RABGAP1L: variants seen among roughly 807,000 people sequenced by gnomAD.
The protein encoded by RABGAP1L is rab GTPase-activating protein 1-like.
Under a neutral mutation model 137.7 loss-of-function variants are expected in RABGAP1L, and 63 were observed. The observed-to-expected ratio is 0.46, with a 90% confidence interval of 0.37 to 0.56. The LOEUF is 0.56. RABGAP1L is among the 20% of genes least tolerant of loss of function. The pLI, the probability that RABGAP1L is intolerant of heterozygous loss-of-function variation, is 0.00. For missense variants in RABGAP1L, 1,095 were observed against 1,244.0 expected (o/e 0.88, Z 1.80); for synonymous variants, 431 against 433.7 (o/e 0.99, Z 0.08).
rs1269403775 is a variant in RABGAP1L, at chr1:174,231,199, T to C, written c.386T>C (p.Val129Ala). 2 of 1,613,974 alleles carry C rather than the reference T, an allele frequency of 1.2e-6. No homozygotes were observed. ...SPGGLPEEDSVLFNKLTYLGC... is the reference protein window; with the variant it reads ...SPGGLPEEDSALFNKLTYLGC... ...GGTGGACTACCTGAAGAAGATAGTG[T>C]TTTATTTAATAAACTGACCTACTTA... Residue 129 changes from valine (V) to alanine (A), a missense_variant, in exon 4 of 26, where the codon GTT (valine) becomes GCT (alanine). Physicochemically the swap from Val to Ala is moderately conservative, Grantham distance 64 (BLOSUM62 0). Coordinates refer to ENST00000681986, the MANE Select transcript of RABGAP1L (RefSeq NM_001366446.1).
chr1:174,533,645 A>G (rs1664631379), intron 13 of RABGAP1L, among the ~76,000 whole-genome samples: 1 of 152,190 alleles, frequency 6.6e-6, no homozygotes, highest in East Asian at 1.9e-4. Flanking sequence ...TATAATACAT[A>G]TAACATACGA....
chr1:174,717,025 C>A (rs979591297), intron 17 of RABGAP1L, among the ~76,000 whole-genome samples: 2 of 152,140 alleles, frequency 1.3e-5, no homozygotes, highest in Non-Finnish European at 2.9e-5. Flanking sequence ...CCATAAGAAT[C>A]CTTAATACAG....
At chr1:174,166,048 G>C (rs982580885) in intron 1 of RABGAP1L, among the ~76,000 whole-genome samples, 12 of 152,152 alleles carry the variant, frequency 7.9e-5, no homozygotes, top group South Asian at 6.2e-4. Flanking sequence ...GAGTAATCTA[G>C]TACTTCTTAA....
At chr1:174,394,377 T>C (rs1647558178) in intron 13 of RABGAP1L, among the ~76,000 whole-genome samples, 2 of 152,228 alleles carry the variant, frequency 1.3e-5, no homozygotes. Flanking sequence ...AGTGATTTTA[T>C]AATAGCTATT....
intron 19 of RABGAP1L, among the ~76,000 whole-genome samples, chr1:174,819,364 A>C (rs1350182895): frequency 6.6e-6 from 1 of 152,090 alleles, no homozygotes; most frequent in Non-Finnish European, 1.5e-5. Flanking sequence ...AATGACTCTT[A>C]ATTTCTTCTT....
chr1:174,278,182 C>T (rs1431875698), intron 9 of RABGAP1L, among the ~76,000 whole-genome samples: 2 of 152,134 alleles, frequency 1.3e-5, no homozygotes, highest in African/African-American at 4.8e-5. Context: ...GGGGGTGGAT[C>T]ACCAGAGGTC....
intron 19 of RABGAP1L, among the ~76,000 whole-genome samples, chr1:174,878,680 C>G (rs1157148857): frequency 1.3e-5 from 2 of 151,844 alleles, no homozygotes; most frequent in Non-Finnish European, 2.9e-5. Flanking sequence ...ACCTTAAAAA[C>G]ATGGCTATTT....
At chr1:174,589,069 A>C (rs988363891) in intron 13 of RABGAP1L, among the ~76,000 whole-genome samples, 4 of 152,324 alleles carry the variant, frequency 2.6e-5, no homozygotes, top group African/African-American at 4.8e-5. Flanking sequence ...TCCCACTAAC[A>C]GTGTACAAGA....
chr1:174,256,523 C>T (rs990505884), intron 7 of RABGAP1L, among the ~76,000 whole-genome samples: 2 of 152,308 alleles, frequency 1.3e-5, no homozygotes, highest in African/African-American at 2.4e-5. Context: ...TGGCTCACGC[C>T]TGTAATCCCA....
chr1:174,342,018 C>T (rs1682018738), intron 11 of RABGAP1L, among the ~76,000 whole-genome samples: 1 of 151,968 alleles, frequency 6.6e-6, no homozygotes, highest in Non-Finnish European at 1.5e-5. Flanking sequence ...TTTTTAAAAT[C>T]TTTCAATTTA....
In RABGAP1L at chr1:174,833,447, GAGAT is replaced by G. The variant is rs1173672792; in HGVS notation, c.2340+21489_2340+21492del. Reference sequence around the variant, plus strand: ...GTATATATATATGTGTGTGTGTGTAGAGATATATATATATATATATAGTAGAGAC... The same window carrying G: ...GTATATATATATGTGTGTGTGTGTAGATATATATATATATATAGTAGAGAC... On this transcript the variant is annotated intron_variant, in intron 19 of 25. Transcript: ENST00000681986. Among the ~76,000 whole-genome samples, 2 of 16,976 alleles carry G rather than the reference GAGAT, an allele frequency of 1.2e-4. 1 individual carries two copies. The highest frequency in any genetic ancestry group is 1.5e-4 in the African/African-American group (2 of 13,792). 11.1% of individuals were successfully genotyped at this position (16,976 alleles called of 152,430 possible).
chr1:174,221,391 A>G (rs906152300), intron 3 of RABGAP1L, among the ~76,000 whole-genome samples: 3 of 152,192 alleles, frequency 2.0e-5, no homozygotes, highest in Non-Finnish European at 4.4e-5. Flanking sequence ...TACCCCTAGT[A>G]CTTCATGCAT....
chr1:174,982,421 GTTCTTTCTGTGACAGTAGAAAGGAGATAT>G (rs1178658551), intron 23 of RABGAP1L, among the ~76,000 whole-genome samples: 1 of 152,114 alleles, frequency 6.6e-6, no homozygotes, highest in African/African-American at 2.4e-5. Context: ...TTGAAAACAG[GTTCTTTCTGTGACAGTAGAAAGGAGATAT>G]TTCTGTCTAG....
chr1:174,273,300 A>G (rs923374210), intron 8 of RABGAP1L, among the ~76,000 whole-genome samples: 1 of 151,976 alleles, frequency 6.6e-6, no homozygotes, highest in Non-Finnish European at 1.5e-5. Context: ...GGAATGGTTT[A>G]TTCAGGCTTT....
intron 13 of RABGAP1L, among the ~76,000 whole-genome samples, chr1:174,605,180 C>T (rs1390027513): frequency 2.0e-5 from 3 of 151,992 alleles, no homozygotes; most frequent in South Asian, 2.1e-4. Context: ...AACAAACAAA[C>T]GAAACTCCTC....
chr1:174,184,546 C>T (rs976760722), intron 1 of RABGAP1L, among the ~76,000 whole-genome samples: 3 of 152,140 alleles, frequency 2.0e-5, no homozygotes, highest in Admixed American at 1.3e-4. Context: ...TTTAAATTCA[C>T]TTAAAATGTC....
chr1:174,373,091 C>T (rs1449850972), intron 12 of RABGAP1L, among the ~76,000 whole-genome samples: 1 of 152,150 alleles, frequency 6.6e-6, no homozygotes, highest in African/African-American at 2.4e-5. Flanking sequence ...CTAAATGTAC[C>T]TCATATGTTT....
chr1:174,624,473 A>G (rs1191828840), intron 13 of RABGAP1L, among the ~76,000 whole-genome samples: 2 of 152,166 alleles, frequency 1.3e-5, no homozygotes, highest in African/African-American at 2.4e-5. Context: ...AGATCCTATT[A>G]CAATGTCTTG....
chr1:174,647,811 A>T (rs1379878612), intron 14 of RABGAP1L, among the ~76,000 whole-genome samples: 3 of 152,130 alleles, frequency 2.0e-5, no homozygotes, highest in African/African-American at 7.2e-5. Context: ...CTCTGGTAGA[A>T]TTCAACTGTG....
Sources: allele counts gnomAD v4.1 joint callset (sites outside exome capture counted in the v4.1 genomes callset), GRCh38; gene constraint gnomAD v4.1.1; transcripts MANE v1.5; gene names NCBI Gene and HGNC (gene_info 2026-07-23, HGNC 2026-07-21).